SLIT2: variants seen among roughly 807,000 people sequenced by gnomAD.
SLIT2 encodes the protein slit homolog 2 protein.
Under a neutral mutation model 185.7 loss-of-function variants are expected in SLIT2, and 41 were observed. That is an observed-to-expected ratio of 0.22 (90% CI 0.17 to 0.29). The LOEUF (loss-of-function observed/expected upper bound fraction) is 0.29. Ranked by LOEUF, SLIT2 falls within the 10% of genes least tolerant of loss-of-function variation. The probability of loss-of-function intolerance (pLI) is 1.00; values close to 1 mark genes in which losing one functional copy is unlikely to be tolerated. For missense variants in SLIT2, 1,571 were observed against 1,909.0 expected (o/e 0.82, Z 3.30); for synonymous variants, 693 against 680.2 (o/e 1.02, Z -0.29).
chr4:20,596,029 T>C lies in SLIT2; in HGVS notation c.3320+195T>C, dbSNP rs552388050. On this transcript the variant is annotated intron_variant, in intron 31 of 36. Coordinates refer to ENST00000504154, the MANE Select transcript of SLIT2 (RefSeq NM_004787.4). ...ATGTGATTATTATGCATTACATGCC[T>C]GTATCAAAATACCTCATTTACCCCA... Among the ~76,000 whole-genome samples, 4 of 152,336 alleles carry C rather than the reference T, an allele frequency of 2.6e-5. No homozygotes were observed. The East Asian group carries it at 7.7e-4, about 29-fold the overall frequency.
rs537139862 is a variant in SLIT2 at position 20,612,872 on chromosome 4, C to T, written c.3847+2705C>T. On this transcript the variant is annotated intron_variant, in intron 34 of 36. Transcript: ENST00000504154. ...GGTGGAGCTTGCAGTGAGCCGAGAT[C>T]GCACCACTGCACTCCAGCCTGGGCG... is the stretch of plus-strand genomic sequence containing the variant. Among the ~76,000 whole-genome samples the T allele has an allele frequency of 1.8e-4, 27 of 147,640 alleles. No individual in the cohort carries two copies. In the East Asian group the frequency reaches 4.0e-3, roughly 22 times the overall value.
chr4:20,552,542 G>A (rs1158109399), intron 25 of SLIT2: 1 of 151,834 alleles, frequency 6.6e-6, no homozygotes, highest in African/African-American at 2.4e-5. Context: ...TCACATCAAG[G>A]ACTTAAATGT....
In SLIT2 at chr4:20,253,724, G is replaced by A. The variant is rs574080017; in HGVS notation, c.-92G>A. Reference sequence around the variant, plus strand: ...GGCACTCTGGGTTGCTAGCCCCGCCGGGCACTGGGCCTCAGACACTGCGCG... The same window carrying A: ...GGCACTCTGGGTTGCTAGCCCCGCCAGGCACTGGGCCTCAGACACTGCGCG... On this transcript the variant is annotated 5_prime_UTR_variant, in exon 1 of 37. Coordinates refer to ENST00000504154, the MANE Select transcript of SLIT2 (RefSeq NM_004787.4). 246 of 1,469,882 alleles carry A rather than the reference G, an allele frequency of 1.7e-4. 1 individual carries two copies. The African/African-American group carries it at 3.0e-3, about 18-fold the overall frequency. The allele number at this position is 1,469,882 out of a possible 1,614,324, so 91.1% of individuals were successfully genotyped here.
chr4:20,304,429 G>T (rs1717345340), intron 4 of SLIT2, among the ~76,000 whole-genome samples: 1 of 152,110 alleles, frequency 6.6e-6, no homozygotes, highest in Non-Finnish European at 1.5e-5. Flanking sequence ...CTATTACTTT[G>T]ACTCCAGTGA....
intron 4 of SLIT2, among the ~76,000 whole-genome samples, chr4:20,293,807 C>T (rs1220289076): frequency 3.3e-5 from 5 of 152,178 alleles, no homozygotes; most frequent in African/African-American, 4.8e-5. Flanking sequence ...CCAAGATTGC[C>T]TGGCCCGTGG....
chr4:20,361,774 T>G (rs188658849), intron 4 of SLIT2, among the ~76,000 whole-genome samples: 17 of 151,820 alleles, frequency 1.1e-4, no homozygotes, highest in Non-Finnish European at 1.9e-4. Context: ...CTAAGTATAT[T>G]TTATTTTTAA....
intron 4 of SLIT2, among the ~76,000 whole-genome samples, chr4:20,281,222 G>A (rs1220845735): frequency 6.6e-6 from 1 of 152,170 alleles, no homozygotes; most frequent in Non-Finnish European, 1.5e-5. Context: ...TGAGGTAAGT[G>A]GTGTACAACT....
intron 4 of SLIT2, among the ~76,000 whole-genome samples, chr4:20,385,978 G>T (rs1179496366): frequency 6.6e-6 from 1 of 151,990 alleles, no homozygotes; most frequent in Non-Finnish European, 1.5e-5. Context: ...AACTTATCTA[G>T]AAACTACATA....
intron 4 of SLIT2, among the ~76,000 whole-genome samples, chr4:20,379,776 G>A (rs1259927409): frequency 6.6e-6 from 1 of 152,124 alleles, no homozygotes; most frequent in Admixed American, 6.6e-5. Flanking sequence ...ATGAGAGATG[G>A]GAAACAAGGT....
chr4:20,471,868 AG>A (rs980481900), intron 5 of SLIT2, among the ~76,000 whole-genome samples: 7 of 152,082 alleles, frequency 4.6e-5, no homozygotes, highest in African/African-American at 1.7e-4. Flanking sequence ...ATCTCCAGGG[AG>A]GACTTCCCAT....
intron 4 of SLIT2, among the ~76,000 whole-genome samples, chr4:20,319,706 G>T (rs1718887997): frequency 6.6e-6 from 1 of 151,084 alleles, no homozygotes; most frequent in African/African-American, 2.4e-5. Context: ...AAATGAGTTT[G>T]CAAATATATT....
intron 9 of SLIT2, among the ~76,000 whole-genome samples, chr4:20,500,307 A>C (rs1718612076): frequency 6.6e-6 from 1 of 152,214 alleles, no homozygotes; most frequent in Admixed American, 6.5e-5. Context: ...AAATGTTATA[A>C]AAGTTAAAAT....
At chr4:20,566,200 GT>G (rs770563605) in intron 26 of SLIT2, among the ~76,000 whole-genome samples, 1 of 152,028 alleles carries the variant, frequency 6.6e-6, no homozygotes, top group Non-Finnish European at 1.5e-5. Flanking sequence ...GAAATTGCTT[GT>G]GATAAAATGT....
intron 29 of SLIT2, among the ~76,000 whole-genome samples, chr4:20,574,321 A>G (rs1268151748): frequency 1.3e-5 from 2 of 152,158 alleles, no homozygotes; most frequent in African/African-American, 4.8e-5. Context: ...ATGAAATGTT[A>G]TCTTAAAGAC....
chr4:20,577,268 A>G (rs1234975079), intron 29 of SLIT2, among the ~76,000 whole-genome samples: 2 of 152,232 alleles, frequency 1.3e-5, no homozygotes, highest in East Asian at 1.9e-4. Flanking sequence ...ACACCGACCA[A>G]TCTCCCTGAC....
At chr4:20,570,494 T>C (rs1306639273) in intron 29 of SLIT2, among the ~76,000 whole-genome samples, 1 of 151,752 alleles carries the variant, frequency 6.6e-6, no homozygotes, top group African/African-American at 2.4e-5. Context: ...AATTTAGACT[T>C]CTCCAAGAAG....
At chr4:20,421,525 T>G (rs1577625358) in intron 4 of SLIT2, among the ~76,000 whole-genome samples, 1 of 152,272 alleles carries the variant, frequency 6.6e-6, no homozygotes, top group Non-Finnish European at 1.5e-5. Flanking sequence ...AACGATAAAC[T>G]TTTTTGAAAG....
intron 26 of SLIT2, among the ~76,000 whole-genome samples, chr4:20,562,542 G>A (rs1443144434): frequency 6.6e-6 from 1 of 151,702 alleles, no homozygotes; most frequent in Non-Finnish European, 1.5e-5. Context: ...ATACATGTAT[G>A]TCTCTCCTGC....
chr4:20,432,961 T>C (rs2109507849), intron 4 of SLIT2, among the ~76,000 whole-genome samples: 1 of 152,358 alleles, frequency 6.6e-6, no homozygotes, highest in South Asian at 2.1e-4. Context: ...ATTTTTTTCC[T>C]TCATAGCCAC....
Sources: allele counts gnomAD v4.1 joint callset (sites outside exome capture counted in the v4.1 genomes callset), GRCh38; gene constraint gnomAD v4.1.1; transcripts MANE v1.5; gene names NCBI Gene and HGNC (gene_info 2026-07-23, HGNC 2026-07-21).